Variants in TTC21B observed in about 807,000 individuals in gnomAD.
TTC21B encodes tetratricopeptide repeat domain 21B.
A neutral mutation model predicts 175.1 loss-of-function variants in TTC21B; 127 were observed. That is an observed-to-expected ratio of 0.73 (90% CI 0.63 to 0.84). TTC21B has a LOEUF of 0.84. Among genes scored for constraint, TTC21B ranks in the 40% least tolerant of loss-of-function variants. The pLI is 0.00. For missense variants in TTC21B, 1,561 were observed against 1,558.3 expected, an observed-to-expected ratio of 1.00 and a Z score of -0.03; for synonymous variants, 524 against 524.5, an observed-to-expected ratio of 1.00 and a Z score of 0.01.
At chr2:165,935,325 T>C (rs903607867) in intron 6 of TTC21B, among the ~76,000 whole-genome samples, 1 of 152,204 alleles carries the variant, frequency 6.6e-6, no homozygotes, top group Non-Finnish European at 1.5e-5. Flanking sequence ...TTTGGGAAAC[T>C]TCTCTGCAGA....
chr2:165,891,372 C>T (rs1029183590), intron 22 of TTC21B, among the ~76,000 whole-genome samples: 15 of 152,198 alleles, frequency 9.9e-5, no homozygotes, highest in African/African-American at 3.4e-4. Context: ...CTCTGAGAAC[C>T]CCTCTCCTAC....
rs536603721 is a variant in TTC21B at position 165,901,750 on chromosome 2, G to A, written c.2729C>T (p.Ala910Val). The A allele has an allele frequency of 8.1e-6, 13 of 1,614,078 alleles. No individual in the cohort carries two copies. The highest frequency in any genetic ancestry group is 1.6e-4 in the Middle Eastern group (1 of 6,062). Residue 910 changes from alanine to valine, a missense_variant, in exon 20 of 29, where the codon GCT becomes GTT. Ala to Val is a moderately conservative substitution (Grantham distance 64, BLOSUM62 0). Transcript: ENST00000243344. ...YEKAIKFYRE[A>V]LVHCETDNKI... The stretch of plus-strand genomic sequence containing the variant: ...ATTATCTGTTTCGCAGTGAACCAGA[G>A]CCTCTCTATAAAACTTAATTGCTTT...
chr2:165,886,287 ATTT>A (rs1441222295), intron 25 of TTC21B, among the ~76,000 whole-genome samples: 3 of 152,140 alleles, frequency 2.0e-5, no homozygotes, highest in African/African-American at 7.2e-5. Flanking sequence ...CTCCTACAGC[ATTT>A]TTATTTGCAA....
Position 165,874,815 on chromosome 2 carries a change from T to G in TTC21B, c.3891A>C (p.Pro1297=). The change falls in exon 29 of 29, where the codon CCA becomes CCC. Residue 1297 remains proline (P), a synonymous_variant. Transcript: ENST00000243344. The part of the protein sequence containing the change: ...DICHQVLEAH[P]TYPKIRKDIL... ...TATCCTTTCTGATTTTTGGATAAGT[T>G]GGATGTGCTTCAAGAACCTGCAAAA... The G allele has an allele frequency of 2.5e-6, 4 of 1,613,720 alleles. No individual in the cohort carries two copies. The highest frequency in any genetic ancestry group is 3.4e-6 in the Non-Finnish European group (4 of 1,179,786).
Position 165,890,591 on chromosome 2 carries a change from T to C in TTC21B, c.3151A>G (p.Lys1051Glu). The C allele has an allele frequency of 6.2e-7, 1 of 1,613,850 alleles. No homozygotes were observed. The highest frequency in any genetic ancestry group is 8.5e-7 in the Non-Finnish European group (1 of 1,179,790). Residue 1051 changes from lysine (K) to glutamate (E), a missense_variant, in exon 24 of 29, where the codon AAA (lysine) becomes GAA (glutamate). Lys to Glu is a moderately conservative substitution (Grantham distance 56, BLOSUM62 1). Transcript: ENST00000243344. ...DALRHFNKARKDRDWGQNALY... is the reference protein window; with the variant it reads ...DALRHFNKAREDRDWGQNALY... ...GCATTTTGGCCCCAGTCACGATCTT[T>C]CCGAGCTTTATTAAAATGTCGAAGG...
At position 165,945,608 on chromosome 2, in the gene TTC21B, G is replaced by T. The variant is rs370444063; in HGVS notation, c.345C>A (p.Gly115=). The change falls in exon 4 of 29, where the codon GGC becomes GGA. Residue 115 remains glycine (G), a synonymous_variant. Coordinates refer to ENST00000243344, the MANE Select transcript of TTC21B (RefSeq NM_024753.5). ...GAGEKALYHA[G]LFLWHIGRHD... ...GGCGACCAATGTGCCATAAAAATAA[G>T]CCTGCATGGTATAAGGCTTTCTCTC... is the stretch of plus-strand genomic sequence containing the variant. 1 of 1,613,596 alleles carries T rather than the reference G, an allele frequency of 6.2e-7. No homozygotes were observed. Among genetic ancestry groups the T allele is most frequent in the Non-Finnish European group, 8.5e-7 (1 of 1,179,920 alleles).
At chr2:165,913,690 T>G in intron 15 of TTC21B, 44 bp from the exon 16 acceptor site, 1 of 1,458,082 alleles carries the variant, frequency 6.9e-7, no homozygotes, top group Non-Finnish European at 9.6e-7. Context: ...AACACAGATA[T>G]CTTCTTCCAA....
At position 165,930,371 on chromosome 2, in the gene TTC21B, A is replaced by G. The variant is rs749142305; in HGVS notation, c.895-7T>C. On this transcript the variant is annotated splice_polypyrimidine_tract_variant and splice_region_variant and intron_variant, in intron 8 of 28. Transcript: ENST00000243344. ...TAAGTTGACTACGTCCACACTAAAA[A>G]GAAAAAAAAATGATGTAAGATTTCA... 2.6e-5 allele frequency: 41 copies of G among 1,599,450 alleles called. No individual in the cohort carries two copies. Among genetic ancestry groups the G allele is most frequent in the Non-Finnish European group, 3.3e-5 (39 of 1,170,648 alleles).
chr2:165,893,608 T>C (rs1285547071), intron 22 of TTC21B, among the ~76,000 whole-genome samples: 2 of 152,158 alleles, frequency 1.3e-5, no homozygotes, highest in Non-Finnish European at 2.9e-5. Flanking sequence ...CTGGTCCATC[T>C]TTATTGATGA....
chr2:165,921,588 A>G (rs1252695650), intron 12 of TTC21B, among the ~76,000 whole-genome samples: 2 of 152,196 alleles, frequency 1.3e-5, no homozygotes, highest in Admixed American at 1.3e-4. Context: ...TCAAAAGCAC[A>G]GGAGGCTCTA....
intron 19 of TTC21B, among the ~76,000 whole-genome samples, chr2:165,906,271 A>G (rs1227032705): frequency 6.6e-6 from 1 of 150,512 alleles, no homozygotes; most frequent in Non-Finnish European, 1.5e-5. Flanking sequence ...AAAAAAAAAA[A>G]AAAAAAAAAA....
intron 24 of TTC21B, among the ~76,000 whole-genome samples, chr2:165,890,201 G>A (rs1200052660): frequency 2.0e-5 from 3 of 152,208 alleles, no homozygotes; most frequent in Non-Finnish European, 4.4e-5. Context: ...AATTAGGGGA[G>A]TGTCTTCATA....
rs71031215 is a variant in TTC21B, at chr2:165,922,566, C to CAAAAAAAAAAAAA, written c.1516+1970_1516+1982dup. Among the ~76,000 whole-genome samples, 6 of 97,426 alleles carry CAAAAAAAAAAAAA rather than the reference C, an allele frequency of 6.2e-5. 2 individuals carry two copies. The highest frequency in any genetic ancestry group is 1.0e-4 in the Non-Finnish European group (5 of 49,142). The allele number at this position is 97,426 out of a possible 152,430, so 63.9% of individuals were successfully genotyped here. ...GCCGGAATAGCCACTATTAAAAAGT[C>CAAAAAAAAAAAAA]AAAAAAAAAAAAAAAAAAAAGACGT... On this transcript the variant is annotated intron_variant, in intron 12 of 28. Transcript: ENST00000243344.
Position 165,930,325 on chromosome 2 carries a change from A to G in TTC21B, c.934T>C (p.Leu312=). ...TTTAAACTAAAAGCTCTCTCAAGTA[A>G]CGTTTGAATTTTTTGAAGAATAAGT... ...SQLILQKIQT[L]LERAFSLNPQ... Residue 312 remains leucine, a synonymous_variant, in exon 9 of 29, where the codon TTA becomes CTA. Coordinates refer to ENST00000243344, the MANE Select transcript of TTC21B (RefSeq NM_024753.5). 1.2e-6 allele frequency: 2 copies of G among 1,612,678 alleles called. No individual in the cohort carries two copies. Among genetic ancestry groups the G allele is most frequent in the Non-Finnish European group, 1.7e-6 (2 of 1,179,124 alleles).
intron 6 of TTC21B, among the ~76,000 whole-genome samples, chr2:165,938,831 T>C (rs944824006): frequency 6.6e-6 from 1 of 152,214 alleles, no homozygotes. Flanking sequence ...TTTAAAGATA[T>C]AAACCAATCA....
At chr2:165,927,494 C>T (rs1331091709) in intron 11 of TTC21B, among the ~76,000 whole-genome samples, 1 of 149,822 alleles carries the variant, frequency 6.7e-6, no homozygotes, top group African/African-American at 2.5e-5. Flanking sequence ...ATTTTCTAAA[C>T]ATATTATACA....
At chr2:165,932,690 T>C (rs1380970685) in intron 7 of TTC21B, among the ~76,000 whole-genome samples, 1 of 152,104 alleles carries the variant, frequency 6.6e-6, no homozygotes, top group Non-Finnish European at 1.5e-5. Context: ...TATATATTAC[T>C]ACACAGGAGT....
At chr2:165,903,272 CAGATGGGATGAAG>C (rs1344877519) in intron 19 of TTC21B, among the ~76,000 whole-genome samples, 2 of 152,016 alleles carry the variant, frequency 1.3e-5, no homozygotes, top group Non-Finnish European at 2.9e-5. Flanking sequence ...TGGGGAAAAA[CAGATGGGATGAAG>C]AGATGGAATG....
intron 16 of TTC21B, 134 bp from the exon 17 acceptor site, chr2:165,912,758 C>A (rs555730731): frequency 2.7e-6 from 2 of 742,578 alleles, no homozygotes; most frequent in East Asian, 5.1e-5. Context: ...AGCACAGGAA[C>A]TTTAACAATT....
Sources: allele counts gnomAD v4.1 joint callset (sites outside exome capture counted in the v4.1 genomes callset), GRCh38; gene constraint gnomAD v4.1.1; transcripts MANE v1.5; gene names NCBI Gene and HGNC (gene_info 2026-07-23, HGNC 2026-07-21).